The following DPEP3 variants were observed in gnomAD, a reference collection of about 807,000 sequenced individuals.
The protein encoded by DPEP3 is membrane-bound dipeptidase 3.
A neutral mutation model predicts 47.5 loss-of-function variants in DPEP3; 42 were observed. The observed-to-expected ratio is 0.88, with a 90% CI of 0.69 to 1.14. The LOEUF (loss-of-function observed/expected upper bound fraction) is 1.14. DPEP3 is among the 50% of genes most tolerant of loss of function. The probability of loss-of-function intolerance (pLI) is 0.00; values close to 1 mark genes in which losing one functional copy is unlikely to be tolerated. For synonymous variants in DPEP3, 276 were observed against 270.2 expected, an observed-to-expected ratio of 1.02 and a Z score of -0.21; for missense variants, 560 against 635.0, an observed-to-expected ratio of 0.88 and a Z score of 1.27.
rs1190835462 is a variant in DPEP3 at position 67,978,650 on chromosome 16, G to GA, written c.415-25dup. 1.2e-6 allele frequency: 2 copies of GA among 1,613,098 alleles called. No homozygotes were observed. The highest frequency in any genetic ancestry group is 1.7e-5 in the Admixed American group (1 of 60,000). On this transcript the variant is annotated intron_variant, in intron 2 of 9. Coordinates refer to ENST00000268793, the MANE Select transcript of DPEP3 (RefSeq NM_001370198.1). This position sits in a 1 kb window ranked among gnomAD's most constrained non-coding sequence, Gnocchi z 4.4. ...AACTGAGGGTAGGTCAAGGGGTCCA[G>GA]AATGAGGCCAGGGCGGTCTTCAACC...
At position 67,978,303 on chromosome 16, in the gene DPEP3, C is replaced by T. The variant is rs754473743; in HGVS notation, c.650G>A (p.Arg217His). The change falls in exon 4 of 10, where the codon CGC (arginine) becomes CAC (histidine). Residue 217 changes from arginine to histidine, a missense_variant. Coordinates refer to ENST00000268793, the MANE Select transcript of DPEP3 (RefSeq NM_001370198.1). The surrounding 1 kb of genome is among the most constrained non-coding windows in gnomAD (Gnocchi z 4.4). ...VLRSFYVLGV[R>H]YLTLTFTCST... ...GCAGGTGAAGGTAAGTGTCAGGTAGCGCACCCCCAGCACATAGAAACTGCG... is the reference window on the plus strand; with the variant it reads ...GCAGGTGAAGGTAAGTGTCAGGTAGTGCACCCCCAGCACATAGAAACTGCG... 20 of 1,614,048 alleles carry T rather than the reference C, an allele frequency of 1.2e-5. No homozygotes were observed. The highest frequency in any genetic ancestry group is 1.6e-4 in the Middle Eastern group (1 of 6,084).
In DPEP3 at chr16:67,980,195, G is replaced by A. The variant is rs777464674; in HGVS notation, c.186C>T (p.Ser62=). The change falls in exon 1 of 10, where the codon AGC becomes AGT. Residue 62 remains serine, a synonymous_variant. Transcript: ENST00000268793. ...TAGTGAGGCCTGGGGTAGTGAGGGC[G>A]CTGGGGACACCCGGCGTGGTGAAGA... ...PSLFTTPGVP[S]ALTTPGLTTP... The A allele has an allele frequency of 6.2e-7, 1 of 1,610,676 alleles. No homozygotes were observed. The highest frequency in any genetic ancestry group is 8.5e-7 in the Non-Finnish European group (1 of 1,178,484).
chr16:67,979,164 G>T (rs1347926444), intron 2 of DPEP3, among the ~76,000 whole-genome samples: 1 of 152,174 alleles, frequency 6.6e-6, no homozygotes, highest in Non-Finnish European at 1.5e-5. Flanking sequence ...AATTAGCAGG[G>T]CGTGGTGGCG....
In DPEP3 at chr16:67,978,108, T is replaced by C; in HGVS notation, c.687-101A>G. The C allele has an allele frequency of 6.4e-7, 1 of 1,574,270 alleles. No individual in the cohort carries two copies. Among genetic ancestry groups the C allele is most frequent in the Non-Finnish European group, 8.7e-7 (1 of 1,147,198 alleles). On this transcript the variant is annotated intron_variant, in intron 4 of 9. Coordinates refer to ENST00000268793, the MANE Select transcript of DPEP3 (RefSeq NM_001370198.1). This position sits in a 1 kb window ranked among gnomAD's most constrained non-coding sequence, Gnocchi z 4.4. ...CCATCCATCCTGCTTCCAGAACAGG[T>C]GCAGAACCAGCTGCTTTCTGGGATT...
At chr16:67,979,157 T>C (rs761814263) in intron 2 of DPEP3, among the ~76,000 whole-genome samples, 2 of 152,008 alleles carry the variant, frequency 1.3e-5, no homozygotes, top group Non-Finnish European at 2.9e-5. Flanking sequence ...CTACAAAAAT[T>C]AGCAGGGCGT....
intron 2 of DPEP3, 77 bp downstream of exon 2, chr16:67,979,562 G>C: frequency 3.2e-6 from 5 of 1,584,414 alleles, no homozygotes; most frequent in South Asian, 1.1e-5. Context: ...TCACCCAGAG[G>C]CTGGCTGACC....
intron 8 of DPEP3, 106 bp from the exon 9 acceptor site, chr16:67,976,334 C>T (rs2031195984): frequency 2.6e-5 from 38 of 1,488,274 alleles, no homozygotes; most frequent in Non-Finnish European, 3.4e-5. Flanking sequence ...AGGCCAAGTT[C>T]TTCAGGCTAG....
rs779308536 is a variant in DPEP3 at position 67,977,674 on chromosome 16, G to A, written c.912C>T (p.Pro304=). 488 of 1,611,826 alleles carry A rather than the reference G, an allele frequency of 3.0e-4. No homozygotes were observed. Among genetic ancestry groups the A allele is most frequent in the Non-Finnish European group, 4.0e-4 (476 of 1,179,086 alleles). ...RAVCDNLLNV[P]DDILQLLKKN... ...TCACCAGAAGCTGCAGGATATCATC[G>A]GGAACATTCAACAAATTGTCACACA... Residue 304 remains proline (P), a synonymous_variant, in exon 6 of 10, where the codon CCC becomes CCT. Coordinates refer to ENST00000268793, the MANE Select transcript of DPEP3 (RefSeq NM_001370198.1).
chr16:67,976,566 TGGGGA>T, intron 8 of DPEP3, 129 bp downstream of exon 8: 1 of 808,962 alleles, frequency 1.2e-6, no homozygotes, highest in Non-Finnish European at 2.0e-6. Context: ...GCCCTGAGAG[TGGGGA>T]GTGTCAGGTG....
chr16:67,977,189 C>T lies in DPEP3; in HGVS notation c.1018+81G>A, dbSNP rs1053098307. 4.6e-6 allele frequency: 6 copies of T among 1,296,818 alleles called. No individual in the cohort carries two copies. In the African/African-American group the frequency reaches 8.8e-5, roughly 19 times the overall value. 80.3% of individuals were successfully genotyped at this position (1,296,818 alleles called of 1,614,324 possible). ...AGGTCTGCCCATTGCCCAACAGGTG[C>T]ACTAGACTGCTAGAGTCGTCCTGAG... On this transcript the variant is annotated intron_variant, in intron 7 of 9. Coordinates refer to ENST00000268793, the MANE Select transcript of DPEP3 (RefSeq NM_001370198.1).
rs758303522 is a variant in DPEP3 at position 67,975,813 on chromosome 16, G to C, written c.1419C>G (p.Gly473=). ...TTGGGATGGTGGCAGCAGCCACAAGGCCTGGAACAAGGTATGGGGAGGCAT... is the reference window on the plus strand; with the variant it reads ...TTGGGATGGTGGCAGCAGCCACAAGCCCTGGAACAAGGTATGGGGAGGCAT... ...SSNASPYLVP[G]LVAAATIPTF... The change falls in exon 10 of 10, where the codon GGC becomes GGG. Residue 473 remains glycine (G), a synonymous_variant. Coordinates refer to ENST00000268793, the MANE Select transcript of DPEP3 (RefSeq NM_001370198.1). 2.5e-6 allele frequency: 4 copies of C among 1,613,894 alleles called. No homozygotes were observed. Among genetic ancestry groups the C allele is most frequent in the Non-Finnish European group, 3.4e-6 (4 of 1,179,856 alleles).
At position 67,977,794 on chromosome 16, in the gene DPEP3, C is replaced by T; in HGVS notation, c.792G>A (p.Met264Ile). Residue 264 changes from methionine (M) to isoleucine (I), a missense_variant, in exon 6 of 10, where the codon ATG becomes ATA. Physicochemically the swap from Met to Ile is conservative, Grantham distance 10. Coordinates refer to ENST00000268793, the MANE Select transcript of DPEP3 (RefSeq NM_001370198.1). Reference protein sequence around the residue: ...VVEELNRLGMMIDLSYASDTL... With the variant: ...VVEELNRLGMIIDLSYASDTL... The stretch of plus-strand genomic sequence containing the variant: ...TGTCCGATGCATAGGACAAATCTAT[C>T]ATCATGCCCAGGCGGTTCAACTCCT... 5.6e-6 allele frequency: 9 copies of T among 1,613,956 alleles called. No individual in the cohort carries two copies. Among genetic ancestry groups the T allele is most frequent in the Non-Finnish European group, 5.9e-6 (7 of 1,179,880 alleles).
In DPEP3 at chr16:67,980,167, G is replaced by GCGTA. The variant is rs756770298; in HGVS notation, c.210_213dup (p.Pro72TyrfsTer29). 3.7e-6 allele frequency: 6 copies of GCGTA among 1,612,238 alleles called. No homozygotes were observed. The South Asian group carries it at 5.5e-5, about 15-fold the overall frequency. ...AGGTCCAGGGTTTTGGGGGTGCCTGGCGTAGTGAGGCCTGGGGTAGTGAGG... is the reference window on the plus strand; with the variant it reads ...AGGTCCAGGGTTTTGGGGGTGCCTGGCGTACGTAGTGAGGCCTGGGGTAGTGAGG... On this transcript the variant is annotated frameshift_variant, in exon 1 of 10. Transcript: ENST00000268793. LOFTEE classifies it high-confidence loss of function.
chr16:67,976,597 G>C, intron 8 of DPEP3, 103 bp downstream of exon 8: 1 of 1,101,138 alleles, frequency 9.1e-7, no homozygotes, highest in Non-Finnish European at 1.3e-6. Context: ...GGAGACCAGA[G>C]CCTGTGGCTG....
In DPEP3 at chr16:67,980,147, C is replaced by T. The variant is rs754902062; in HGVS notation, c.234G>A (p.Leu78=). ...GLTTPGTPKT[L]DLRGRAQALM... ...GGGCCTGCGCGCGACCCCGAAGGTC[C>T]AGGGTTTTGGGGGTGCCTGGCGTAG... Residue 78 remains leucine, a synonymous_variant, in exon 1 of 10, where the codon CTG becomes CTA. Transcript: ENST00000268793. 6 of 1,612,862 alleles carry T rather than the reference C, an allele frequency of 3.7e-6. No individual in the cohort carries two copies. The highest frequency in any genetic ancestry group is 5.1e-6 in the Non-Finnish European group (6 of 1,179,500).
chr16:67,976,574 G>T, intron 8 of DPEP3, 126 bp downstream of exon 8: 1 of 875,050 alleles, frequency 1.1e-6, no homozygotes, highest in Non-Finnish European at 1.8e-6. Context: ...AGTGGGGAGT[G>T]TCAGGTGGGA....
In DPEP3 at chr16:67,976,085, C is replaced by A; in HGVS notation, c.1230+8G>T. The stretch of plus-strand genomic sequence containing the variant: ...CACTGAACCATCCTGTCCACCAGCC[C>A]AGCTTACCTTTTCCACTTGTCTGAA... On this transcript the variant is annotated splice_region_variant and intron_variant, in intron 9 of 9. Transcript: ENST00000268793. 6.2e-7 allele frequency: 1 copy of A among 1,614,206 alleles called. No individual in the cohort carries two copies. The highest frequency in any genetic ancestry group is 1.3e-5 in the African/African-American group (1 of 75,066).
Position 67,980,102 on chromosome 16 carries a change from G to C in DPEP3, c.279C>G (p.Leu93=). ...RAQALMRSFP[L]VDGHNDLPQV... ...ACGCTGCACCTACATACCCGTCCAC[G>C]AGTGGGAAACTCCGCATCAGGGCCT... The change falls in exon 1 of 10, where the codon CTC becomes CTG. Residue 93 remains leucine, a synonymous_variant. Coordinates refer to ENST00000268793, the MANE Select transcript of DPEP3 (RefSeq NM_001370198.1). 6.2e-7 allele frequency: 1 copy of C among 1,611,098 alleles called. No homozygotes were observed. Among genetic ancestry groups the C allele is most frequent in the South Asian group, 1.1e-5 (1 of 90,700 alleles).
At chr16:67,979,052 CT>C in intron 2 of DPEP3, among the ~76,000 whole-genome samples, 1 of 152,196 alleles carries the variant, frequency 6.6e-6, no homozygotes, top group Non-Finnish European at 1.5e-5. Flanking sequence ...TGCCTGTAAT[CT>C]CCACACTGTG....
Sources: allele counts gnomAD v4.1 joint callset (sites outside exome capture counted in the v4.1 genomes callset), GRCh38; gene constraint gnomAD v4.1.1; non-coding constraint Gnocchi (gnomAD v3.1); transcripts MANE v1.5; gene names NCBI Gene and HGNC (gene_info 2026-07-23, HGNC 2026-07-21).